ENOX1: variants seen among roughly 807,000 people sequenced by gnomAD.
ENOX1 encodes the protein candidate growth-related and time keeping constitutive hydroquinone (NADH) oxidase.
In ENOX1, 42 loss-of-function variants were observed where a neutral mutation model predicts 82.5. The ratio of observed to expected loss-of-function variants is 0.51; its 90% CI spans 0.40 to 0.66. The LOEUF (loss-of-function observed/expected upper bound fraction) is 0.66. Ranked by LOEUF, ENOX1 falls within the 30% of genes least tolerant of loss-of-function variation. The pLI is 0.00. For missense variants in ENOX1, 608 were observed against 811.6 expected (o/e 0.75, Z 3.05); for synonymous variants, 271 against 282.2 (o/e 0.96, Z 0.40).
At chr13:43,307,576 A>G (rs927867371) in intron 11 of ENOX1, among the ~76,000 whole-genome samples, 2 of 152,066 alleles carry the variant, frequency 1.3e-5, no homozygotes, top group Non-Finnish European at 2.9e-5. Flanking sequence ...GCCTTTTCCA[A>G]CAGCTGAAAG....
intron 9 of ENOX1, among the ~76,000 whole-genome samples, chr13:43,329,689 A>G (rs1160325388): frequency 6.6e-6 from 1 of 152,182 alleles, no homozygotes; most frequent in African/African-American, 2.4e-5. Flanking sequence ...TATACTTATG[A>G]ACTTATACAC....
At chr13:43,754,604 A>T (rs1950548577) in intron 1 of ENOX1, among the ~76,000 whole-genome samples, 1 of 149,812 alleles carries the variant, frequency 6.7e-6, no homozygotes, top group Non-Finnish European at 1.5e-5. Context: ...TTTTTTTTAG[A>T]GACAGGTTCT....
At chr13:43,581,346 A>G (rs1478537525) in intron 2 of ENOX1, among the ~76,000 whole-genome samples, 1 of 150,788 alleles carries the variant, frequency 6.6e-6, no homozygotes, top group African/African-American at 2.4e-5. Flanking sequence ...TTTAGCCGGG[A>G]TGGTCTCGAT....
At chr13:43,767,811 G>A (rs1488734293) in intron 1 of ENOX1, among the ~76,000 whole-genome samples, 1 of 152,218 alleles carries the variant, frequency 6.6e-6, no homozygotes, top group African/African-American at 2.4e-5. Flanking sequence ...GTGCATAGCA[G>A]CCGGCAGGAG....
intron 2 of ENOX1, among the ~76,000 whole-genome samples, chr13:43,601,824 A>G (rs938227335): frequency 2.0e-5 from 3 of 152,174 alleles, no homozygotes; most frequent in Non-Finnish European, 2.9e-5. Flanking sequence ...AATAACATAT[A>G]ATGGAGCTCC....
chr13:43,421,870 G>A (rs369395931), intron 3 of ENOX1, among the ~76,000 whole-genome samples: 53 of 148,960 alleles, frequency 3.6e-4, no homozygotes, highest in Admixed American at 1.2e-3. Flanking sequence ...TATATTTTAC[G>A]TTTTATATAA....
intron 2 of ENOX1, among the ~76,000 whole-genome samples, chr13:43,550,615 C>T (rs775609359): frequency 6.6e-6 from 1 of 152,096 alleles, no homozygotes; most frequent in Non-Finnish European, 1.5e-5. Flanking sequence ...TGCTCAGTGC[C>T]TCAGCTATCA....
At chr13:43,351,360 T>C in intron 8 of ENOX1, among the ~76,000 whole-genome samples, 1 of 152,226 alleles carries the variant, frequency 6.6e-6, no homozygotes, top group Non-Finnish European at 1.5e-5. Flanking sequence ...AATGCACTGA[T>C]TATTCCTGCT....
chr13:43,326,666 C>A, intron 9 of ENOX1, 141 bp from the exon 10 acceptor site: 1 of 711,992 alleles, frequency 1.4e-6, no homozygotes, highest in Non-Finnish European at 2.4e-6. Context: ...TTGTGCCTTT[C>A]GTACTTACAT....
At chr13:43,530,548 A>G (rs1395168268) in intron 2 of ENOX1, among the ~76,000 whole-genome samples, 3 of 152,148 alleles carry the variant, frequency 2.0e-5, no homozygotes, top group Non-Finnish European at 4.4e-5. Flanking sequence ...ATTTGAAAAT[A>G]GTTACCTTTA....
chr13:43,374,278 T>C (rs1363490861), intron 5 of ENOX1, among the ~76,000 whole-genome samples: 1 of 150,636 alleles, frequency 6.6e-6, no homozygotes, highest in Non-Finnish European at 1.5e-5. Flanking sequence ...CAGGGTCTCA[T>C]TCTGTCACCC....
chr13:43,671,783 T>G (rs770589237), intron 1 of ENOX1, among the ~76,000 whole-genome samples: 1 of 152,122 alleles, frequency 6.6e-6, no homozygotes, highest in Non-Finnish European at 1.5e-5. Flanking sequence ...GATCCCTATC[T>G]CTCTGGATTC....
At chr13:43,273,824 T>A (rs1241172246) in intron 12 of ENOX1, among the ~76,000 whole-genome samples, 1 of 152,210 alleles carries the variant, frequency 6.6e-6, no homozygotes, top group Non-Finnish European at 1.5e-5. Flanking sequence ...AAGCACTTAA[T>A]TCAATATACC....
At chr13:43,601,198 G>C (rs1053933979) in intron 2 of ENOX1, among the ~76,000 whole-genome samples, 1 of 152,020 alleles carries the variant, frequency 6.6e-6, no homozygotes, top group Non-Finnish European at 1.5e-5. Context: ...TAAGGCACCA[G>C]GGTTATATCC....
intron 5 of ENOX1, among the ~76,000 whole-genome samples, chr13:43,380,302 A>G (rs2051949026): frequency 6.6e-6 from 1 of 151,858 alleles, no homozygotes; most frequent in African/African-American, 2.4e-5. Flanking sequence ...TCTTTAAAAA[A>G]TAATTGCCTG....
chr13:43,243,641 G>C (rs2042947166), intron 14 of ENOX1, among the ~76,000 whole-genome samples: 1 of 152,136 alleles, frequency 6.6e-6, no homozygotes, highest in Non-Finnish European at 1.5e-5. Context: ...CTTTGTCTCT[G>C]CCTCTAGGCT....
At chr13:43,430,119 C>T (rs998931843) in intron 3 of ENOX1, among the ~76,000 whole-genome samples, 1 of 152,186 alleles carries the variant, frequency 6.6e-6, no homozygotes, top group Non-Finnish European at 1.5e-5. Flanking sequence ...ATCTTGTCCA[C>T]TGTGTGAGCA....
chr13:43,436,022 A>C (rs1429935523), intron 3 of ENOX1, among the ~76,000 whole-genome samples: 1 of 152,098 alleles, frequency 6.6e-6, no homozygotes, highest in Non-Finnish European at 1.5e-5. Flanking sequence ...CAAATGTGTG[A>C]AATCGGGAGC....
chr13:43,671,134 G>GCT lies in ENOX1; in HGVS notation c.-284-3592_-284-3591dup, dbSNP rs536455831. On this transcript the variant is annotated intron_variant, in intron 1 of 16. Coordinates refer to ENST00000690772, the MANE Select transcript of ENOX1 (RefSeq NM_001347969.2). ...AAGGCAGTTTTCCCTGCTCTTGCAT[G>GCT]CTCTCTCTCTCGCCTGCTGCCATGT... Among the ~76,000 whole-genome samples, 80 of 152,114 alleles carry GCT rather than the reference G, an allele frequency of 5.3e-4. No homozygotes were observed. The East Asian group carries it at 0.013, about 24-fold the overall frequency.
Sources: gnomAD v4.1 joint callset for allele counts (sites outside exome capture counted in the v4.1 genomes callset) on GRCh38, gnomAD v4.1.1 for gene constraint, MANE v1.5 for transcripts, NCBI Gene and HGNC (gene_info 2026-07-23, HGNC 2026-07-21) for gene names.